The following PSAPL1 variants were observed in gnomAD, a reference collection of about 807,000 sequenced individuals.
The protein encoded by PSAPL1 is proactivator polypeptide-like 1.
For synonymous variants in PSAPL1, 351 were observed against 291.6 expected (o/e 1.20, Z -2.08); for missense variants, 814 against 688.8 (o/e 1.18, Z -2.03).
In PSAPL1 at chr4:7,433,760, C is replaced by T. The variant is rs1727065000; in HGVS notation, c.1120G>A (p.Ala374Thr). 4 of 1,613,232 alleles carry T rather than the reference C, an allele frequency of 2.5e-6. No individual in the cohort carries two copies. The highest frequency in any genetic ancestry group is 1.3e-5 in the African/African-American group (1 of 74,932). The change falls in exon 1 of 1, where the codon GCA becomes ACA. Residue 374 changes from alanine to threonine, a missense_variant. By Grantham distance (58) the Ala-to-Thr change is moderately conservative. Coordinates refer to ENST00000319098, the MANE Select transcript of PSAPL1 (RefSeq NM_001085382.2). The stretch of plus-strand genomic sequence containing the variant: ...ACGATGGCATAGGCATCATGGACTG[C>T]CCGGGCCCGCCTCCGGTTGCCACAC... ...RLCGNRRRARAVHDAYAIVPS... is the reference protein window; with the variant it reads ...RLCGNRRRARTVHDAYAIVPS...
rs1375790424 is a variant in PSAPL1 at position 7,431,451 on chromosome 4, T to A, written c.*1863A>T. 1 of 152,208 alleles carries A rather than the reference T, an allele frequency of 6.6e-6. No individual in the cohort carries two copies. Among genetic ancestry groups the A allele is most frequent in the African/African-American group, 2.4e-5 (1 of 41,440 alleles). 9.4% of individuals were successfully genotyped at this position (152,208 alleles called of 1,614,324 possible). A position where few individuals can be genotyped will look rare whatever the true frequency, so the allele number is the denominator to read the frequency against. Reference sequence around the variant, plus strand: ...ACTTCCCGGTAGGCATCCTCCCGACTCACAGCCAAGCCAGAGGAGGGCCTA... The same window carrying A: ...ACTTCCCGGTAGGCATCCTCCCGACACACAGCCAAGCCAGAGGAGGGCCTA... On this transcript the variant is annotated 3_prime_UTR_variant, in exon 1 of 1. Coordinates refer to ENST00000319098, the MANE Select transcript of PSAPL1 (RefSeq NM_001085382.2).
Position 7,434,027 on chromosome 4 carries a change from C to T in PSAPL1, c.853G>A (p.Glu285Lys), listed in dbSNP as rs201824308. ...GTCACACCGGCCTTCATCTGCATCT[C>T]GCTCTGTTTCCTTGGCAACCCCAGC... ...LELGLPRKQS[E>K]MQMKAGVTCE... Residue 285 changes from glutamate (E) to lysine (K), a missense_variant, in exon 1 of 1, where the codon GAG (glutamate) becomes AAG (lysine). By Grantham distance (56) the Glu-to-Lys change is moderately conservative. Coordinates refer to ENST00000319098, the MANE Select transcript of PSAPL1 (RefSeq NM_001085382.2). 8.9e-5 allele frequency: 143 copies of T among 1,611,636 alleles called. No individual in the cohort carries two copies. The African/African-American group carries it at 1.5e-3, about 17-fold the overall frequency.
chr4:7,431,987 A>C lies in PSAPL1; in HGVS notation c.*1327T>G, dbSNP rs1422294773. On this transcript the variant is annotated 3_prime_UTR_variant, in exon 1 of 1. Transcript: ENST00000319098. ...CATGTGTGCGGCTCCCAGATGTGTG[A>C]GCACCTGCTGCGTGCAGATGCTGGG... 6.6e-6 allele frequency: 1 copy of C among 152,228 alleles called. No individual in the cohort carries two copies. The highest frequency in any genetic ancestry group is 2.4e-5 in the African/African-American group (1 of 41,418). 9.4% of individuals were successfully genotyped at this position (152,228 alleles called of 1,614,324 possible).
At position 7,433,043 on chromosome 4, in the gene PSAPL1, T is replaced by G; in HGVS notation, c.*271A>C. On this transcript the variant is annotated 3_prime_UTR_variant, in exon 1 of 1. Coordinates refer to ENST00000319098, the MANE Select transcript of PSAPL1 (RefSeq NM_001085382.2). ...TGGGACCACCGGCAACATCTCAGCC[T>G]TGGAGATGAGAGGGCAGCCTTGGCT... 3.3e-6 allele frequency: 1 copy of G among 301,832 alleles called. No individual in the cohort carries two copies. Among genetic ancestry groups the G allele is most frequent in the Non-Finnish European group, 6.1e-6 (1 of 164,900 alleles). The allele number at this position is 301,832 out of a possible 1,614,324, so 18.7% of individuals were successfully genotyped here.
At position 7,433,181 on chromosome 4, in the gene PSAPL1, G is replaced by A. The variant is rs1057219140; in HGVS notation, c.*133C>T. On this transcript the variant is annotated 3_prime_UTR_variant, in exon 1 of 1. Transcript: ENST00000319098. ...AGGCTTTCGGGATCAGGAATACTTG[G>A]TTTTGAACTTCAGCTCTGCTCCTTC... 5.2e-6 allele frequency: 5 copies of A among 955,062 alleles called. No individual in the cohort carries two copies. The highest frequency in any genetic ancestry group is 3.3e-5 in the African/African-American group (2 of 60,106). 59.2% of individuals were successfully genotyped at this position (955,062 alleles called of 1,614,324 possible).
At position 7,434,500 on chromosome 4, in the gene PSAPL1, T is replaced by A; in HGVS notation, c.380A>T (p.Asp127Val). The change falls in exon 1 of 1, where the codon GAC (aspartate) becomes GTC (valine). Residue 127 changes from aspartate (D) to valine (V), a missense_variant. Transcript: ENST00000319098. ...TGTGCACACCTGTGCCGGGGCACTG[T>A]CCGGGGCCCCACGGAGCATGCTCAG... ...AILSMLRGAP[D>V]SAPAQVCTAL... The A allele has an allele frequency of 6.2e-7, 1 of 1,612,402 alleles. No homozygotes were observed. Among genetic ancestry groups the A allele is most frequent in the Non-Finnish European group, 8.5e-7 (1 of 1,179,734 alleles).
In PSAPL1 at chr4:7,434,205, C is replaced by G; in HGVS notation, c.675G>C (p.Lys225Asn). 22 of 1,613,814 alleles carry G rather than the reference C, an allele frequency of 1.4e-5. No homozygotes were observed. The highest frequency in any genetic ancestry group is 1.9e-5 in the Non-Finnish European group (22 of 1,179,908). The change falls in exon 1 of 1, where the codon AAG becomes AAC. Residue 225 changes from lysine to asparagine, a missense_variant. By Grantham distance (94) the Lys-to-Asn change is moderately conservative. Transcript: ENST00000319098. ...SLGPGLAVLC[K>N]NYLFQFFVPA... ...GGACAAAAAACTGGAAGAGGTAGTT[C>G]TTGCAGAGGACGGCCAGGCCAGGCC...
Position 7,433,801 on chromosome 4 carries a change from C to T in PSAPL1, c.1079G>A (p.Cys360Tyr). The T allele has an allele frequency of 6.2e-7, 1 of 1,613,706 alleles. No homozygotes were observed. The highest frequency in any genetic ancestry group is 8.5e-7 in the Non-Finnish European group (1 of 1,179,828). ...LVAKITPEKV[C>Y]KFIRLCGNRR... ...GTTGCCACACAGACGGATGAACTTG[C>T]ACACCTTCTCTGGGGTGATTTTGGC... The change falls in exon 1 of 1, where the codon TGC becomes TAC. Residue 360 changes from cysteine (C) to tyrosine (Y), a missense_variant. Transcript: ENST00000319098.
Position 7,433,430 on chromosome 4 carries a change from G to A in PSAPL1, c.1450C>T (p.Leu484=). Residue 484 remains leucine, a synonymous_variant, in exon 1 of 1, where the codon CTG becomes TTG. Transcript: ENST00000319098. ...TPLLGTDQCA[L]GPSFWCRSQE... is the part of the protein sequence containing the mutation. Reference sequence around the variant, plus strand: ...CTCCTGCACCAGAAGCTTGGGCCCAGGGCACACTGGTCGGTGCCCAGCAGT... The same window carrying A: ...CTCCTGCACCAGAAGCTTGGGCCCAAGGCACACTGGTCGGTGCCCAGCAGT... 6.5e-7 allele frequency: 1 copy of A among 1,527,122 alleles called. No individual in the cohort carries two copies. The highest frequency in any genetic ancestry group is 8.8e-7 in the Non-Finnish European group (1 of 1,139,264). 94.6% of individuals were successfully genotyped at this position (1,527,122 alleles called of 1,614,324 possible). A position where few individuals can be genotyped will look rare whatever the true frequency, so the allele number is the denominator to read the frequency against.
Position 7,432,748 on chromosome 4 carries a change from C to T in PSAPL1, c.*566G>A, listed in dbSNP as rs1295986062. ...AATGTGACCAAAGCCCCAGACCTCT[C>T]CCCGGAAATGTCCAGGGATACGTGC... On this transcript the variant is annotated 3_prime_UTR_variant, in exon 1 of 1. Coordinates refer to ENST00000319098, the MANE Select transcript of PSAPL1 (RefSeq NM_001085382.2). The T allele has an allele frequency of 1.3e-5, 2 of 152,392 alleles. No homozygotes were observed. The highest frequency in any genetic ancestry group is 1.3e-4 in the Admixed American group (2 of 15,290). The allele number at this position is 152,392 out of a possible 1,614,324, so 9.4% of individuals were successfully genotyped here.
In PSAPL1 at chr4:7,430,460, C is replaced by T. The variant is rs991965399; in HGVS notation, c.*2854G>A. On this transcript the variant is annotated 3_prime_UTR_variant, in exon 1 of 1. Coordinates refer to ENST00000319098, the MANE Select transcript of PSAPL1 (RefSeq NM_001085382.2). ...CCAGGCTCCCACAGCCCCTCTGCATCTGGTGTGGCCGAGAAAGCCCGAGGG... is the reference window on the plus strand; with the variant it reads ...CCAGGCTCCCACAGCCCCTCTGCATTTGGTGTGGCCGAGAAAGCCCGAGGG... 1 of 152,296 alleles carries T rather than the reference C, an allele frequency of 6.6e-6. No individual in the cohort carries two copies. Among genetic ancestry groups the T allele is most frequent in the African/African-American group, 2.4e-5 (1 of 41,478 alleles). 9.4% of individuals were successfully genotyped at this position (152,296 alleles called of 1,614,324 possible).
In PSAPL1 at chr4:7,434,616, C is replaced by G; in HGVS notation, c.264G>C (p.Leu88=). Residue 88 remains leucine, a synonymous_variant, in exon 1 of 1, where the codon CTG becomes CTC. Coordinates refer to ENST00000319098, the MANE Select transcript of PSAPL1 (RefSeq NM_001085382.2). ...LNPDATESDI[L]ALVMKTCEWL... is the part of the protein sequence containing the mutation. ...ACTCACAGGTCTTCATCACCAAAGC[C>G]AGGATGTCAGACTCCGTGGCGTCAG... 8.1e-6 allele frequency: 13 copies of G among 1,613,406 alleles called. No homozygotes were observed. The highest frequency in any genetic ancestry group is 1.1e-5 in the Non-Finnish European group (13 of 1,179,684).
chr4:7,434,181 G>A lies in PSAPL1; in HGVS notation c.699C>T (p.Val233=). The change falls in exon 1 of 1, where the codon GTC becomes GTT. Residue 233 remains valine (V), a synonymous_variant. Transcript: ENST00000319098. ...GAAGCCTCAGTGCTTGGTCAGCAGG[G>A]ACAAAAAACTGGAAGAGGTAGTTCT... is the stretch of plus-strand genomic sequence containing the variant. ...LCKNYLFQFF[V]PADQALRLLP... is the part of the protein sequence containing the mutation. 1.2e-6 allele frequency: 2 copies of A among 1,613,900 alleles called. No homozygotes were observed. Among genetic ancestry groups the A allele is most frequent in the Non-Finnish European group, 1.7e-6 (2 of 1,179,874 alleles).
rs11548325 is a variant in PSAPL1, at chr4:7,434,759, C to A, written c.121G>T (p.Ala41Ser). ...CAGTACCCCACAGCCCCGCACCTGG[C>A]AGCTGTCTGCAGATCCTGACACCAC... ...TVWCQDLQTAARCGAVGYCQG... is the reference protein window; with the variant it reads ...TVWCQDLQTASRCGAVGYCQG... Residue 41 changes from alanine to serine, a missense_variant, in exon 1 of 1, where the codon GCC becomes TCC. By Grantham distance (99) the Ala-to-Ser change is moderately conservative. Coordinates refer to ENST00000319098, the MANE Select transcript of PSAPL1 (RefSeq NM_001085382.2). 219,063 of 1,612,086 alleles carry A rather than the reference C, an allele frequency of 0.14. 16,885 individuals carry two copies. Among genetic ancestry groups the A allele is most frequent in the Admixed American group, 0.3 (17,844 of 59,666 alleles).
Position 7,434,232 on chromosome 4 carries a change from C to T in PSAPL1, c.648G>A (p.Leu216=), listed in dbSNP as rs1275924452. The part of the protein sequence containing the change: ...DLNIQEQCES[L]GPGLAVLCKN... ...TGCAGAGGACGGCCAGGCCAGGCCC[C>T]AAGGACTCACACTGCTCCTGGATGT... Residue 216 remains leucine, a synonymous_variant, in exon 1 of 1, where the codon TTG becomes TTA. Transcript: ENST00000319098. The T allele has an allele frequency of 6.2e-7, 1 of 1,613,602 alleles. No individual in the cohort carries two copies. Among genetic ancestry groups the T allele is most frequent in the Non-Finnish European group, 8.5e-7 (1 of 1,179,902 alleles).
Position 7,433,482 on chromosome 4 carries a change from C to A in PSAPL1, c.1398G>T (p.Val466=). The part of the protein sequence containing the change: ...MMDPVAVCKK[V]GACHGPRTPL... ...GGGTCCTGGGGCCGTGGCAGGCCCC[C>A]ACCTTCTTGCACACAGCCACGGGGT... Residue 466 remains valine (V), a synonymous_variant, in exon 1 of 1, where the codon GTG becomes GTT. Transcript: ENST00000319098. 1 of 1,583,502 alleles carries A rather than the reference C, an allele frequency of 6.3e-7. No individual in the cohort carries two copies. The highest frequency in any genetic ancestry group is 8.6e-7 in the Non-Finnish European group (1 of 1,165,746).
Position 7,433,568 on chromosome 4 carries a change from A to C in PSAPL1, c.1312T>G (p.Cys438Gly), listed in dbSNP as rs377407945. ...TCGTACTGGGTGACGAAGTGCTTGC[A>C]CTGGATCATATAGGGCAGCGGCAGG... ...SILPLPYMIQ[C>G]KHFVTQYEPV... The change falls in exon 1 of 1, where the codon TGC (cysteine) becomes GGC (glycine). Residue 438 changes from cysteine (C) to glycine (G), a missense_variant. Coordinates refer to ENST00000319098, the MANE Select transcript of PSAPL1 (RefSeq NM_001085382.2). The C allele has an allele frequency of 1.2e-5, 20 of 1,611,634 alleles. No individual in the cohort carries two copies. The African/African-American group carries it at 2.1e-4, about 17-fold the overall frequency.
chr4:7,430,379 CAAACAAACA>C lies in PSAPL1; in HGVS notation c.*2926_*2934del, dbSNP rs1726753154. ...CCCCAAGCCAAAACAAACAAACAAA[CAAACAAACA>C]AAACAAAAACAACAACAACAAAGCA... On this transcript the variant is annotated 3_prime_UTR_variant, in exon 1 of 1. Transcript: ENST00000319098. 1.3e-5 allele frequency: 2 copies of C among 152,116 alleles called. No homozygotes were observed. Among genetic ancestry groups the C allele is most frequent in the African/African-American group, 4.8e-5 (2 of 41,406 alleles). 9.4% of individuals were successfully genotyped at this position (152,116 alleles called of 1,614,324 possible).
In PSAPL1 at chr4:7,433,432, G is replaced by T; in HGVS notation, c.1448C>A (p.Ala483Asp). The T allele has an allele frequency of 6.5e-7, 1 of 1,528,432 alleles. No homozygotes were observed. The highest frequency in any genetic ancestry group is 2.3e-5 in the East Asian group (1 of 43,600). 94.7% of individuals were successfully genotyped at this position (1,528,432 alleles called of 1,614,324 possible). A position where few individuals can be genotyped will look rare whatever the true frequency, so the allele number is the denominator to read the frequency against. ...CCTGCACCAGAAGCTTGGGCCCAGGGCACACTGGTCGGTGCCCAGCAGTGG... is the reference window on the plus strand; with the variant it reads ...CCTGCACCAGAAGCTTGGGCCCAGGTCACACTGGTCGGTGCCCAGCAGTGG... ...RTPLLGTDQC[A>D]LGPSFWCRSQ... The change falls in exon 1 of 1, where the codon GCC becomes GAC. Residue 483 changes from alanine (A) to aspartate (D), a missense_variant. Physicochemically the swap from Ala to Asp is moderately radical, Grantham distance 126. Coordinates refer to ENST00000319098, the MANE Select transcript of PSAPL1 (RefSeq NM_001085382.2).
Sources: allele counts gnomAD v4.1 joint callset, GRCh38; gene constraint gnomAD v4.1.1; transcripts MANE v1.5; gene names NCBI Gene and HGNC (gene_info 2026-07-23, HGNC 2026-07-21).